Variants in INVS observed in about 807,000 individuals in gnomAD.
INVS encodes the protein inversin.
INVS carries 86 observed loss-of-function variants against 108.8 expected under a neutral mutation model. That is an observed-to-expected ratio of 0.79 (90% CI 0.66 to 0.95). The LOEUF (loss-of-function observed/expected upper bound fraction) is 0.95, where lower values mean the gene tolerates loss of function less well. Among genes scored for constraint, INVS ranks in the 40% least tolerant of loss-of-function variants. The pLI, the probability that INVS is intolerant of heterozygous loss-of-function variation, is 0.00. For synonymous variants in INVS, 455 were observed against 473.5 expected, an observed-to-expected ratio of 0.96 and a Z score of 0.51; for missense variants, 1,169 against 1,297.4, an observed-to-expected ratio of 0.90 and a Z score of 1.52.
At chr9:100,156,943 T>TACACAC (rs140690543) in intron 3 of INVS, among the ~76,000 whole-genome samples, 126 of 149,594 alleles carry the variant, frequency 8.4e-4, no homozygotes, top group Non-Finnish European at 1.1e-3. Context: ...TATATATATA[T>TACACAC]ACACACACAC....
intron 3 of INVS, among the ~76,000 whole-genome samples, chr9:100,181,866 C>T (rs10989001): frequency 0.19 from 29,404 of 151,946 alleles, 4,542 homozygotes; most frequent in African/African-American, 0.43. Context: ...CTTCGAACTA[C>T]ACTACAAGCC....
At chr9:100,139,234 A>G (rs1368736954) in intron 3 of INVS, among the ~76,000 whole-genome samples, 1 of 152,164 alleles carries the variant, frequency 6.6e-6, no homozygotes. Context: ...TCATTGATAT[A>G]TTGACCACTT....
intron 3 of INVS, among the ~76,000 whole-genome samples, chr9:100,177,704 G>A (rs1829761371): frequency 6.6e-6 from 1 of 152,224 alleles, no homozygotes; most frequent in African/African-American, 2.4e-5. Flanking sequence ...TGCATCTTCA[G>A]CAGACTTAAA....
At chr9:100,288,447 A>G (rs1034726318) in intron 13 of INVS, among the ~76,000 whole-genome samples, 3 of 152,108 alleles carry the variant, frequency 2.0e-5, no homozygotes, top group Admixed American at 6.6e-5. Context: ...GATTCATTTC[A>G]TATTTCAAAA....
At chr9:100,211,592 C>T (rs928987824) in intron 3 of INVS, among the ~76,000 whole-genome samples, 1 of 152,138 alleles carries the variant, frequency 6.6e-6, no homozygotes, top group Non-Finnish European at 1.5e-5. Flanking sequence ...CTGTCTATTC[C>T]TATGGAAACC....
chr9:100,117,486 CTCCACGGCCTCAGCCCGGGCCCCG>C, intron 2 of INVS: 1 of 784,956 alleles, frequency 1.3e-6, no homozygotes, highest in Non-Finnish European at 2.2e-6. Flanking sequence ...CCTTCTCGAG[CTCCACGGCCTCAGCCCGGGCCCCG>C]TCCACGGCCG....
At chr9:100,100,618 A>G (rs1826813447) in intron 1 of INVS, among the ~76,000 whole-genome samples, 1 of 86,924 alleles carries the variant, frequency 1.2e-5, no homozygotes, top group Non-Finnish European at 2.1e-5. Context: ...TATATAATAT[A>G]TGTATATATA....
At chr9:100,248,635 C>T (rs536615537) in intron 8 of INVS, among the ~76,000 whole-genome samples, 35 of 152,154 alleles carry the variant, frequency 2.3e-4, no homozygotes, top group African/African-American at 7.9e-4. Flanking sequence ...ATTTTTTAGG[C>T]GTGATAACAG....
intron 10 of INVS, among the ~76,000 whole-genome samples, chr9:100,258,206 G>C (rs1223688707): frequency 1.3e-5 from 2 of 152,056 alleles, no homozygotes; most frequent in Non-Finnish European, 2.9e-5. Context: ...GGCTACTGAA[G>C]CTTGTGCATG....
intron 12 of INVS, among the ~76,000 whole-genome samples, chr9:100,283,081 G>A (rs1833327983): frequency 6.6e-6 from 1 of 152,174 alleles, no homozygotes; most frequent in South Asian, 2.1e-4. Context: ...GGCTAAAGCT[G>A]GGGGATAGCT....
At chr9:100,161,861 A>G (rs1285055851) in intron 3 of INVS, among the ~76,000 whole-genome samples, 1 of 152,194 alleles carries the variant, frequency 6.6e-6, no homozygotes, top group African/African-American at 2.4e-5. Context: ...TACCCTACAG[A>G]TAGAGAACTT....
chr9:100,181,087 G>A (rs1461640048), intron 3 of INVS, among the ~76,000 whole-genome samples: 1 of 152,002 alleles, frequency 6.6e-6, no homozygotes, highest in African/African-American at 2.4e-5. Flanking sequence ...ACCCCTTCAT[G>A]CTAAAAACTC....
At position 100,114,233 on chromosome 9, in the gene INVS, T is replaced by G. The variant is rs150160125; in HGVS notation, c.106+9606T>G. 3.9e-3 allele frequency among the ~76,000 whole-genome samples: 598 copies of G among 152,202 alleles called. 8 individuals carry two copies. The highest frequency in any genetic ancestry group is 5.6e-3 in the East Asian group (29 of 5,178). ...ACAATTCTATCATGCCCCAAAATGTTAGAACTGTGTCCTTTTATAGCCAGT... is the reference window on the plus strand; with the variant it reads ...ACAATTCTATCATGCCCCAAAATGTGAGAACTGTGTCCTTTTATAGCCAGT... On this transcript the variant is annotated intron_variant, in intron 2 of 16. Transcript: ENST00000262457.
intron 11 of INVS, 95 bp downstream of exon 11, chr9:100,265,023 A>G (rs1337354615): frequency 3.9e-6 from 3 of 765,550 alleles, no homozygotes; most frequent in Non-Finnish European, 6.8e-6. Flanking sequence ...GCTCACTGCA[A>G]CCTTCGCCTC....
In INVS at chr9:100,169,297, A is replaced by G. The variant is rs1829463346; in HGVS notation, c.273+42748A>G. On this transcript the variant is annotated intron_variant, in intron 3 of 16. Transcript: ENST00000262457. ...AAGTGATATCAATGGTATCATGTCC[A>G]ACTCAGTCCCAAAATGTTTTTGTAT... Among the ~76,000 whole-genome samples the G allele has an allele frequency of 3.3e-5, 5 of 152,312 alleles. 1 individual carries two copies. The highest frequency in any genetic ancestry group is 1.2e-4 in the African/African-American group (5 of 41,582).
intron 2 of INVS, chr9:100,117,564 C>A: frequency 9.4e-7 from 1 of 1,064,958 alleles, no homozygotes; most frequent in Non-Finnish European, 1.4e-6. Flanking sequence ...CCGCGGAAGC[C>A]ACCGCGGTTC....
At chr9:100,214,272 A>G (rs1016721576) in intron 3 of INVS, among the ~76,000 whole-genome samples, 3 of 152,152 alleles carry the variant, frequency 2.0e-5, no homozygotes, top group Non-Finnish European at 4.4e-5. Flanking sequence ...GACCCATGCA[A>G]GGGAGTTTAG....
At chr9:100,107,570 G>T (rs1381806271) in intron 2 of INVS, among the ~76,000 whole-genome samples, 1 of 152,024 alleles carries the variant, frequency 6.6e-6, no homozygotes, top group Admixed American at 6.6e-5. Flanking sequence ...CAGGGCTTTT[G>T]CCTGAAACGC....
At chr9:100,297,410 C>T (rs1435951129) in intron 15 of INVS, among the ~76,000 whole-genome samples, 2 of 152,154 alleles carry the variant, frequency 1.3e-5, no homozygotes, top group Non-Finnish European at 2.9e-5. Context: ...CATCTCAGCC[C>T]AGAGTGCCCT....
Sources: gnomAD v4.1 joint callset for allele counts (sites outside exome capture counted in the v4.1 genomes callset) on GRCh38, gnomAD v4.1.1 for gene constraint, MANE v1.5 for transcripts, NCBI Gene and HGNC (gene_info 2026-07-23, HGNC 2026-07-21) for gene names.